Variants in FAM13A observed in about 807,000 individuals in gnomAD.
FAM13A encodes protein FAM13A.
In FAM13A, 76 loss-of-function variants were observed where a neutral mutation model predicts 129.6. That is an observed-to-expected ratio of 0.59 (90% CI 0.49 to 0.71). The LOEUF (loss-of-function observed/expected upper bound fraction) is 0.71. Among genes scored for constraint, FAM13A ranks in the 30% least tolerant of loss-of-function variants. The pLI, the probability that FAM13A is intolerant of heterozygous loss-of-function variation, is 0.00. For synonymous variants in FAM13A, 443 were observed against 449.9 expected (o/e 0.98, Z 0.20); for missense variants, 1,108 against 1,249.3 (o/e 0.89, Z 1.70).
At chr4:88,758,486 G>A (rs1744153203) in intron 14 of FAM13A, among the ~76,000 whole-genome samples, 6 of 151,544 alleles carry the variant, frequency 4.0e-5, no homozygotes, top group Admixed American at 3.9e-4. Context: ...CACTCCCGGT[G>A]AGTCACAAAG....
intron 6 of FAM13A, among the ~76,000 whole-genome samples, chr4:88,893,968 G>A (rs1745863321): frequency 6.6e-6 from 1 of 152,192 alleles, no homozygotes; most frequent in Non-Finnish European, 1.5e-5. Flanking sequence ...GATATTCAGT[G>A]TCTCTGGCAC....
At chr4:88,965,801 G>C (rs1355011373) in intron 4 of FAM13A, among the ~76,000 whole-genome samples, 1 of 152,132 alleles carries the variant, frequency 6.6e-6, no homozygotes, top group Non-Finnish European at 1.5e-5. Flanking sequence ...CATATAAGTG[G>C]AGTCATACAG....
intron 4 of FAM13A, among the ~76,000 whole-genome samples, chr4:88,973,285 GTATGT>G (rs1438820845): frequency 2.6e-5 from 4 of 151,904 alleles, no homozygotes; most frequent in African/African-American, 7.3e-5. Context: ...CTAATTATGT[GTATGT>G]TATATCTTTT....
At chr4:88,837,718 C>CAA (rs34184242) in intron 7 of FAM13A, among the ~76,000 whole-genome samples, 80 of 71,168 alleles carry the variant, frequency 1.1e-3, no homozygotes, top group East Asian at 2.0e-3. Flanking sequence ...AACTCCGTCT[C>CAA]AAAAAAAAAA....
intron 14 of FAM13A, among the ~76,000 whole-genome samples, chr4:88,751,996 A>G (rs1302116856): frequency 6.6e-6 from 1 of 152,222 alleles, no homozygotes; most frequent in Non-Finnish European, 1.5e-5. Flanking sequence ...ATTTAAAAAT[A>G]TATAATCCTA....
At chr4:89,042,389 A>G (rs1770266245) in intron 1 of FAM13A, among the ~76,000 whole-genome samples, 1 of 152,208 alleles carries the variant, frequency 6.6e-6, no homozygotes. Flanking sequence ...AAAGTCAATT[A>G]TTTACTGAAT....
chr4:89,051,900 C>T (rs557892871), intron 1 of FAM13A, among the ~76,000 whole-genome samples: 1 of 152,330 alleles, frequency 6.6e-6, no homozygotes, highest in Non-Finnish European at 1.5e-5. Context: ...CCTGCCTCCA[C>T]ATCTTTGCTG....
intron 6 of FAM13A, among the ~76,000 whole-genome samples, chr4:88,882,056 T>A (rs1370636439): frequency 4.6e-5 from 7 of 152,152 alleles, no homozygotes; most frequent in Admixed American, 1.3e-4. Context: ...GGAAAACATA[T>A]TTGAGGGAAT....
chr4:88,966,613 G>T (rs1438139869), intron 4 of FAM13A, among the ~76,000 whole-genome samples: 1 of 151,910 alleles, frequency 6.6e-6, no homozygotes, highest in Non-Finnish European at 1.5e-5. Context: ...CTAGGATGTA[G>T]GTTCAACTAA....
At chr4:88,774,493 C>T (rs1417343053) in intron 11 of FAM13A, among the ~76,000 whole-genome samples, 1 of 151,984 alleles carries the variant, frequency 6.6e-6, no homozygotes, top group Non-Finnish European at 1.5e-5. Flanking sequence ...TATTTGATAC[C>T]ACCCAGAAAA....
At chr4:88,981,579 T>C (rs1006880536) in intron 4 of FAM13A, among the ~76,000 whole-genome samples, 3 of 152,106 alleles carry the variant, frequency 2.0e-5, no homozygotes, top group African/African-American at 7.2e-5. Context: ...TTAGAGCAGA[T>C]CCTCAAGAAA....
intron 7 of FAM13A, among the ~76,000 whole-genome samples, chr4:88,848,129 T>C (rs527487190): frequency 3.6e-4 from 55 of 152,332 alleles, no homozygotes; most frequent in Non-Finnish European, 7.4e-4. Flanking sequence ...TTTGTATCTG[T>C]GCCCCTTACT....
In FAM13A at chr4:88,737,404, CGGAGG is replaced by C. The variant is rs1338925241; in HGVS notation, c.2646+63_2646+67del. The C allele has an allele frequency of 1.1e-5, 15 of 1,331,272 alleles. No homozygotes were observed. In the South Asian group the frequency reaches 1.3e-4, roughly 11 times the overall value. 82.5% of individuals were successfully genotyped at this position (1,331,272 alleles called of 1,614,324 possible). On this transcript the variant is annotated intron_variant, in intron 21 of 23. Coordinates refer to ENST00000264344, the MANE Select transcript of FAM13A (RefSeq NM_014883.4). The stretch of plus-strand genomic sequence containing the variant: ...CCGATCACACCCCCTTTCCATTCAC[CGGAGG>C]GGAGGGGAGGAGGGAGGGAACTGGT...
chr4:88,944,708 C>A (rs1755374367), intron 4 of FAM13A, among the ~76,000 whole-genome samples: 1 of 152,024 alleles, frequency 6.6e-6, no homozygotes, highest in Non-Finnish European at 1.5e-5. Flanking sequence ...TCGAGACCCA[C>A]CTGGCCAACA....
intron 8 of FAM13A, among the ~76,000 whole-genome samples, chr4:88,796,551 C>G (rs953861540): frequency 6.6e-6 from 1 of 151,808 alleles, no homozygotes; most frequent in African/African-American, 2.4e-5. Flanking sequence ...ATGTATAAGT[C>G]CTATATTTCA....
chr4:88,987,098 A>G (rs7692455), intron 4 of FAM13A, among the ~76,000 whole-genome samples: 102,636 of 152,038 alleles, frequency 0.68, 34,695 homozygotes, highest in Middle Eastern at 0.79. Flanking sequence ...AAAAGGACAC[A>G]GTTGCCAGCC....
intron 6 of FAM13A, among the ~76,000 whole-genome samples, chr4:88,883,312 T>C (rs960490513): frequency 6.6e-6 from 1 of 151,952 alleles, no homozygotes; most frequent in Non-Finnish European, 1.5e-5. Flanking sequence ...ATATCAAGTA[T>C]GCTCTCAAGC....
In FAM13A at chr4:88,728,632, A is replaced by T. The variant is rs1259540883; in HGVS notation, c.2973T>A (p.Pro991=). 1 of 1,614,216 alleles carries T rather than the reference A, an allele frequency of 6.2e-7. No individual in the cohort carries two copies. Among genetic ancestry groups the T allele is most frequent in the South Asian group, 1.1e-5 (1 of 91,086 alleles). Residue 991 remains proline, a synonymous_variant, in exon 24 of 24, where the codon CCT becomes CCA. Transcript: ENST00000264344. ...TATATTCACTGTATTCTTCAGCCAT[A>T]GGAGTGCGGTCTTCCTTCTGGACAT... is the stretch of plus-strand genomic sequence containing the variant. ...GRNVQKEDRT[P]MAEEYSEYKH... is the part of the protein sequence containing the mutation.
At position 88,990,997 on chromosome 4, in the gene FAM13A, G is replaced by GTTT; in HGVS notation, c.580_581insAAA (p.Ala193_Thr194insLys). The GTTT allele has an allele frequency of 6.2e-7, 1 of 1,614,060 alleles. No homozygotes were observed. The highest frequency in any genetic ancestry group is 8.5e-7 in the Non-Finnish European group (1 of 1,179,962). On this transcript the variant is annotated inframe_insertion, in exon 4 of 24. Coordinates refer to ENST00000264344, the MANE Select transcript of FAM13A (RefSeq NM_014883.4). Reference sequence around the variant, plus strand: ...CTGAAAGCAATTTGGCCCAAATACAGTGGCGAGATTGTGAACATTCATGCG... The same window carrying GTTT: ...CTGAAAGCAATTTGGCCCAAATACAGTTTTGGCGAGATTGTGAACATTCATGCG...
Sources: gnomAD v4.1 joint callset for allele counts (sites outside exome capture counted in the v4.1 genomes callset) on GRCh38, gnomAD v4.1.1 for gene constraint, MANE v1.5 for transcripts, NCBI Gene and HGNC (gene_info 2026-07-23, HGNC 2026-07-21) for gene names.